Variants in TNPO3 observed in about 807,000 individuals in gnomAD.
TNPO3 encodes transportin 3.
TNPO3 carries 65 observed loss-of-function variants against 122.8 expected under a neutral mutation model. The ratio of observed to expected loss-of-function variants is 0.53; its 90% confidence interval spans 0.43 to 0.65. TNPO3 has a LOEUF of 0.65. TNPO3 is among the 30% of genes least tolerant of loss of function. TNPO3 has a pLI of 0.00. For missense variants in TNPO3, 850 were observed against 1,136.7 expected, an observed-to-expected ratio of 0.75 and a Z score of 3.63; for synonymous variants, 372 against 411.2, an observed-to-expected ratio of 0.90 and a Z score of 1.15.
chr7:129,016,858 A>T, intron 3 of TNPO3, 125 bp downstream of exon 3: 1 of 753,140 alleles, frequency 1.3e-6, no homozygotes, highest in Non-Finnish European at 2.2e-6. Context: ...AACAAAGGTT[A>T]ATAACATAAT....
chr7:129,034,613 G>A (rs891476883), intron 1 of TNPO3, among the ~76,000 whole-genome samples: 3 of 152,154 alleles, frequency 2.0e-5, no homozygotes, highest in Admixed American at 1.3e-4. Context: ...TGCGAGGCCA[G>A]GCGCGGTGGC....
chr7:128,957,381 G>C, intron 21 of TNPO3, 66 bp from the exon 22 acceptor site: 1 of 1,524,508 alleles, frequency 6.6e-7, no homozygotes, highest in Non-Finnish European at 9.0e-7. Context: ...AAAAACAACT[G>C]CAACATTGGG....
At chr7:129,014,744 C>T (rs1327961505) in intron 4 of TNPO3, among the ~76,000 whole-genome samples, 2 of 152,062 alleles carry the variant, frequency 1.3e-5, no homozygotes, top group Non-Finnish European at 2.9e-5. Flanking sequence ...TTGTGTAACT[C>T]TAAAGTCCAT....
In TNPO3 at chr7:129,005,131, T is replaced by A; in HGVS notation, c.581A>T (p.Asp194Val). ...LMTCVEKAGTDEKMLMKVFRC... is the reference protein window; with the variant it reads ...LMTCVEKAGTVEKMLMKVFRC... Reference sequence around the variant, plus strand: ...AAAAACCTTCATAAGCATTTTCTCATCTGTTCCTGCTTTTTCTACACAGGT... The same window carrying A: ...AAAAACCTTCATAAGCATTTTCTCAACTGTTCCTGCTTTTTCTACACAGGT... The change falls in exon 5 of 23, where the codon GAT becomes GTT. Residue 194 changes from aspartate (D) to valine (V), a missense_variant. Coordinates refer to ENST00000265388, the MANE Select transcript of TNPO3 (RefSeq NM_012470.4). 1 of 1,613,996 alleles carries A rather than the reference T, an allele frequency of 6.2e-7. No individual in the cohort carries two copies. Among genetic ancestry groups the A allele is most frequent in the Non-Finnish European group, 8.5e-7 (1 of 1,179,958 alleles).
intron 4 of TNPO3, among the ~76,000 whole-genome samples, chr7:129,006,298 C>T (rs1802567814): frequency 6.6e-6 from 1 of 152,164 alleles, no homozygotes; most frequent in Admixed American, 6.5e-5. Context: ...AATTTACTTA[C>T]TTATATACCT....
chr7:129,006,098 T>C lies in TNPO3; in HGVS notation c.553-939A>G, dbSNP rs149276244. Among the ~76,000 whole-genome samples the C allele has an allele frequency of 1.3e-3, 194 of 152,284 alleles. 2 individuals are homozygous for C. The highest frequency in any genetic ancestry group is 4.6e-3 in the African/African-American group (191 of 41,562). ...GAGCCCAGCCTCAAGTATTTCTTTATAGCAGCATGAGACTGGACTAACACA... is the reference window on the plus strand; with the variant it reads ...GAGCCCAGCCTCAAGTATTTCTTTACAGCAGCATGAGACTGGACTAACACA... On this transcript the variant is annotated intron_variant, in intron 4 of 22. Transcript: ENST00000265388.
At chr7:129,005,803 A>G (rs1389940862) in intron 4 of TNPO3, among the ~76,000 whole-genome samples, 1 of 132,900 alleles carries the variant, frequency 7.5e-6, no homozygotes, top group Non-Finnish European at 1.6e-5. Context: ...TTTTTTTGAG[A>G]TGGAGTATTG....
At chr7:129,053,058 C>T (rs1361701254) in intron 1 of TNPO3, among the ~76,000 whole-genome samples, 2 of 152,256 alleles carry the variant, frequency 1.3e-5, no homozygotes, top group Middle Eastern at 3.4e-3. Flanking sequence ...GGGGCGATGG[C>T]TCACATCTAT....
chr7:129,042,188 A>G (rs1478283453), intron 1 of TNPO3, among the ~76,000 whole-genome samples: 1 of 152,218 alleles, frequency 6.6e-6, no homozygotes, highest in African/African-American at 2.4e-5. Flanking sequence ...GCAAATAGAA[A>G]ATAAAGTTCT....
chr7:128,967,451 C>A (rs1798032442), intron 20 of TNPO3, 59 bp from the exon 21 acceptor site: 2 of 1,108,226 alleles, frequency 1.8e-6, no homozygotes, highest in East Asian at 2.4e-5. Flanking sequence ...CACCTGAGAC[C>A]CTACAGATAC....
chr7:128,973,813 A>G (rs1798760771), intron 18 of TNPO3, among the ~76,000 whole-genome samples: 1 of 149,332 alleles, frequency 6.7e-6, no homozygotes, highest in South Asian at 2.1e-4. Context: ...TGAAAAAAAA[A>G]AAAAAAGAAA....
chr7:129,054,829 T>C lies in TNPO3; in HGVS notation c.-59A>G. The C allele has an allele frequency of 6.2e-7, 1 of 1,609,426 alleles. No homozygotes were observed. Among genetic ancestry groups the C allele is most frequent in the African/African-American group, 1.3e-5 (1 of 74,972 alleles). On this transcript the variant is annotated 5_prime_UTR_variant, in exon 1 of 23. Coordinates refer to ENST00000265388, the MANE Select transcript of TNPO3 (RefSeq NM_012470.4). ...GATTCTTCTCCGGAGGATTCCTCGGTTGCTCCGCCTTCGCGCTTCCTCACT... is the reference window on the plus strand; with the variant it reads ...GATTCTTCTCCGGAGGATTCCTCGGCTGCTCCGCCTTCGCGCTTCCTCACT...
chr7:129,051,283 G>A (rs1808733014), intron 1 of TNPO3, among the ~76,000 whole-genome samples: 1 of 151,176 alleles, frequency 6.6e-6, no homozygotes. Flanking sequence ...TGATATTTTT[G>A]AGCCAGCAAA....
At position 128,967,433 on chromosome 7, in the gene TNPO3, A is replaced by G. The variant is rs368899133; in HGVS notation, c.2599-41T>C. 12 of 1,364,500 alleles carry G rather than the reference A, an allele frequency of 8.8e-6. No homozygotes were observed. In the African/African-American group the frequency reaches 1.4e-4, roughly 16 times the overall value. The allele number at this position is 1,364,500 out of a possible 1,614,324, so 84.5% of individuals were successfully genotyped here. A position where few individuals can be genotyped will look rare whatever the true frequency, so the allele number is the denominator to read the frequency against. On this transcript the variant is annotated intron_variant, in intron 20 of 22. Coordinates refer to ENST00000265388, the MANE Select transcript of TNPO3 (RefSeq NM_012470.4). The stretch of plus-strand genomic sequence containing the variant: ...GGGTAAGAGTTTTAAAAGGAAGCAT[A>G]GCTTACTCACCTGAGACCCTACAGA...
chr7:129,050,989 G>A (rs1208407162), intron 1 of TNPO3, among the ~76,000 whole-genome samples: 1 of 152,122 alleles, frequency 6.6e-6, no homozygotes, highest in Admixed American at 6.5e-5. Flanking sequence ...CAGACCTAGC[G>A]AACCAGGCCA....
chr7:129,015,420 T>C (rs1348278137), intron 3 of TNPO3, among the ~76,000 whole-genome samples: 10 of 152,164 alleles, frequency 6.6e-5, no homozygotes, highest in Non-Finnish European at 1.5e-4. Flanking sequence ...ATGAAACATA[T>C]TGAATATGGG....
intron 1 of TNPO3, among the ~76,000 whole-genome samples, chr7:129,041,216 A>C (rs979768347): frequency 6.6e-6 from 1 of 152,056 alleles, no homozygotes; most frequent in Non-Finnish European, 1.5e-5. Context: ...AAAATTTAAA[A>C]ATCAGCCAGG....
chr7:129,002,455 C>A (rs1044252821), intron 5 of TNPO3, among the ~76,000 whole-genome samples: 2 of 152,084 alleles, frequency 1.3e-5, no homozygotes, highest in African/African-American at 4.8e-5. Flanking sequence ...TTAGTAAGGG[C>A]GTATTAGTCT....
At chr7:129,050,845 G>T (rs1239961580) in intron 1 of TNPO3, among the ~76,000 whole-genome samples, 1 of 152,118 alleles carries the variant, frequency 6.6e-6, no homozygotes, top group Non-Finnish European at 1.5e-5. Flanking sequence ...TTCCCTTCTC[G>T]ATGATCCATT....
Sources: gnomAD v4.1 joint callset for allele counts (sites outside exome capture counted in the v4.1 genomes callset) on GRCh38, gnomAD v4.1.1 for gene constraint, MANE v1.5 for transcripts, NCBI Gene and HGNC (gene_info 2026-07-23, HGNC 2026-07-21) for gene names.